PCDH15: variants seen among roughly 807,000 people sequenced by gnomAD.
PCDH15 encodes protocadherin related 15, also known as protocadherin-15.
PCDH15 carries 129 observed loss-of-function variants against 178.5 expected under a neutral mutation model. That is an observed-to-expected ratio of 0.72 (90% CI 0.63 to 0.84). PCDH15 has a LOEUF of 0.84. PCDH15 is among the 40% of genes least tolerant of loss of function. PCDH15 has a pLI of 0.00. For synonymous variants in PCDH15, 800 were observed against 732.0 expected, an observed-to-expected ratio of 1.09 and a Z score of -1.50; for missense variants, 2,230 against 2,099.9, an observed-to-expected ratio of 1.06 and a Z score of -1.21.
chr10:53,924,746 A>G (rs1345684097), intron 25 of PCDH15, among the ~76,000 whole-genome samples: 4 of 152,164 alleles, frequency 2.6e-5, no homozygotes, highest in African/African-American at 9.7e-5. Context: ...GCACCAATCA[A>G]CACTCTGTAT....
intron 25 of PCDH15, among the ~76,000 whole-genome samples, chr10:53,918,025 TC>T (rs2083673102): frequency 6.6e-6 from 1 of 152,128 alleles, no homozygotes; most frequent in South Asian, 2.1e-4. Flanking sequence ...GCACCACACT[TC>T]CTGTACAGCC....
At chr10:55,119,164 A>G (rs1435028022) in intron 2 of PCDH15, among the ~76,000 whole-genome samples, 1 of 152,174 alleles carries the variant, frequency 6.6e-6, no homozygotes, top group Non-Finnish European at 1.5e-5. Context: ...AAAACAAGAC[A>G]GAAGTCTCAA....
chr10:54,328,941 A>G (rs538823065), intron 7 of PCDH15, among the ~76,000 whole-genome samples: 1 of 151,970 alleles, frequency 6.6e-6, no homozygotes, highest in Non-Finnish European at 1.5e-5. Flanking sequence ...ATAAGCATAT[A>G]AGCATGTCTA....
intron 1 of PCDH15, among the ~76,000 whole-genome samples, chr10:54,725,022 C>T (rs67519522): frequency 0.12 from 18,407 of 151,138 alleles, 1,249 homozygotes; most frequent in African/African-American, 0.17. Flanking sequence ...ATATTACATA[C>T]ACATATATTT....
intron 21 of PCDH15, among the ~76,000 whole-genome samples, chr10:53,977,587 C>T (rs2090291624): frequency 6.6e-6 from 1 of 152,168 alleles, no homozygotes; most frequent in South Asian, 2.1e-4. Flanking sequence ...CATCATTCCA[C>T]CCTGGCCCCT....
rs139668636 is a variant in PCDH15 at position 53,822,291 on chromosome 10, G to A, written c.4368-2061C>T. On this transcript the variant is annotated intron_variant, in intron 32 of 37. Coordinates refer to ENST00000644397, the MANE Select transcript of PCDH15 (RefSeq NM_001384140.1). ...TGGAGGAAGAGGAGTTGGAAATGGAGGTAGAAGAGGTGGTGTTGGGGGACC... is the reference window on the plus strand; with the variant it reads ...TGGAGGAAGAGGAGTTGGAAATGGAAGTAGAAGAGGTGGTGTTGGGGGACC... 1,263 of 1,612,716 alleles carry A rather than the reference G, an allele frequency of 7.8e-4. 34 individuals carry two copies. The East Asian group carries it at 0.028, about 36-fold the overall frequency.
At chr10:55,498,828 C>G (rs559456199) in intron 2 of PCDH15, among the ~76,000 whole-genome samples, 1 of 151,868 alleles carries the variant, frequency 6.6e-6, no homozygotes, top group Admixed American at 6.6e-5. Context: ...CTTGAAGACC[C>G]CATACAGAAC....
chr10:55,536,860 T>C (rs927864891), intron 2 of PCDH15, among the ~76,000 whole-genome samples: 1 of 152,140 alleles, frequency 6.6e-6, no homozygotes, highest in Non-Finnish European at 1.5e-5. Flanking sequence ...TCTGCATATA[T>C]CTATTACAAT....
chr10:55,066,006 A>T (rs1841555604), intron 2 of PCDH15, among the ~76,000 whole-genome samples: 1 of 151,978 alleles, frequency 6.6e-6, no homozygotes. Context: ...CCCCAAACAC[A>T]GTATTTTCCA....
In PCDH15 at chr10:54,378,885, G is replaced by T. The variant is rs1189952332; in HGVS notation, c.215C>A (p.Thr72Asn). The change falls in exon 4 of 38, where the codon ACC becomes AAC. Residue 72 changes from threonine (T) to asparagine (N), a missense_variant. Physicochemically the swap from Thr to Asn is moderately conservative, Grantham distance 65 (BLOSUM62 0). Coordinates refer to ENST00000644397, the MANE Select transcript of PCDH15 (RefSeq NM_001384140.1). Reference sequence around the variant, plus strand: ...ATTATCCTTTAAAGAAAGTTCTATGGTGGGGTCTGGTCCTCCAGCAGTCCC... The same window carrying T: ...ATTATCCTTTAAAGAAAGTTCTATGTTGGGGTCTGGTCCTCCAGCAGTCCC... ...IKGTAGGPDP[T>N]IELSLKDNVD... The T allele has an allele frequency of 3.1e-6, 5 of 1,613,564 alleles. No homozygotes were observed. Among genetic ancestry groups the T allele is most frequent in the Non-Finnish European group, 4.2e-6 (5 of 1,179,780 alleles).
At chr10:55,433,895 T>C (rs778687163) in intron 2 of PCDH15, among the ~76,000 whole-genome samples, 3 of 151,970 alleles carry the variant, frequency 2.0e-5, no homozygotes, top group Non-Finnish European at 1.5e-5. Flanking sequence ...TTTTTTCTCC[T>C]GTTGAGAAGT....
At chr10:55,409,465 T>C (rs552359934) in intron 2 of PCDH15, among the ~76,000 whole-genome samples, 1 of 152,320 alleles carries the variant, frequency 6.6e-6, no homozygotes, top group Non-Finnish European at 1.5e-5. Context: ...GTACAAATGA[T>C]GTTTCTTTGT....
chr10:55,157,914 A>C (rs570828494), intron 2 of PCDH15, among the ~76,000 whole-genome samples: 1 of 150,990 alleles, frequency 6.6e-6, no homozygotes, highest in South Asian at 2.1e-4. Context: ...TGTAACAAAC[A>C]TGCATGTTGT....
intron 13 of PCDH15, among the ~76,000 whole-genome samples, chr10:54,160,182 C>T (rs1161213652): frequency 6.6e-6 from 1 of 152,004 alleles, no homozygotes; most frequent in Non-Finnish European, 1.5e-5. Context: ...GATTCATGCC[C>T]CCCCCAACAA....
chr10:55,128,392 A>C (rs1044725875), intron 2 of PCDH15, among the ~76,000 whole-genome samples: 1 of 151,998 alleles, frequency 6.6e-6, no homozygotes, highest in African/African-American at 2.4e-5. Flanking sequence ...AAATAGCCAT[A>C]ATTAACAGCA....
intron 21 of PCDH15, among the ~76,000 whole-genome samples, chr10:53,967,928 C>T (rs2089218061): frequency 6.6e-6 from 1 of 152,110 alleles, no homozygotes; most frequent in Non-Finnish European, 1.5e-5. Flanking sequence ...GGAACAGCTC[C>T]AGTCTACAGC....
chr10:53,835,077 T>TGAAAA (rs2077229137), intron 29 of PCDH15, among the ~76,000 whole-genome samples: 1 of 152,222 alleles, frequency 6.6e-6, no homozygotes, highest in Non-Finnish European at 1.5e-5. Context: ...TTTCACAGTT[T>TGAAAA]CATAACTGTT....
chr10:53,926,143 C>T (rs1464000508), intron 25 of PCDH15, among the ~76,000 whole-genome samples: 7 of 152,186 alleles, frequency 4.6e-5, no homozygotes, highest in African/African-American at 1.4e-4. Flanking sequence ...TTTTCCTCCT[C>T]TCACTGGCCC....
intron 2 of PCDH15, chr10:54,528,336 A>G: frequency 6.7e-7 from 1 of 1,496,020 alleles, no homozygotes. Context: ...AAACAAAGAC[A>G]GACAAGCAAT....
Sources: allele counts gnomAD v4.1 joint callset (sites outside exome capture counted in the v4.1 genomes callset), GRCh38; gene constraint gnomAD v4.1.1; transcripts MANE v1.5; gene names NCBI Gene and HGNC (gene_info 2026-07-23, HGNC 2026-07-21).